The following KCNIP4 variants were observed in gnomAD, a reference collection of about 807,000 sequenced individuals.
KCNIP4 encodes Kv channel-interacting protein 4.
Under a neutral mutation model 34.0 loss-of-function variants are expected in KCNIP4, and 12 were observed. The ratio of observed to expected loss-of-function variants is 0.35; its 90% CI spans 0.23 to 0.57. The LOEUF (loss-of-function observed/expected upper bound fraction) is 0.57, where lower values mean the gene tolerates loss of function less well. KCNIP4 is among the 20% of genes least tolerant of loss of function. The pLI is 0.83. For missense variants in KCNIP4, 238 were observed against 311.7 expected (o/e 0.76, Z 1.78); for synonymous variants, 124 against 102.2 (o/e 1.21, Z -1.29).
chr4:21,457,711 G>C (rs1043676140), intron 1 of KCNIP4, among the ~76,000 whole-genome samples: 10 of 152,084 alleles, frequency 6.6e-5, no homozygotes, highest in African/African-American at 2.4e-4. Context: ...GGTATGCAGA[G>C]CTGGCGTATG....
chr4:21,269,130 T>A (rs74354137), intron 1 of KCNIP4, among the ~76,000 whole-genome samples: 1 of 152,280 alleles, frequency 6.6e-6, no homozygotes, highest in Non-Finnish European at 1.5e-5. Flanking sequence ...AATTTGGCTA[T>A]AGTGAGAAAG....
intron 1 of KCNIP4, among the ~76,000 whole-genome samples, chr4:21,016,053 A>G (rs1386004973): frequency 6.7e-6 from 1 of 148,688 alleles, no homozygotes; most frequent in African/African-American, 2.5e-5. Flanking sequence ...AACAAATTGA[A>G]ATTACATGCC....
intron 1 of KCNIP4, among the ~76,000 whole-genome samples, chr4:21,176,365 T>G (rs879221234): frequency 6.6e-6 from 1 of 152,120 alleles, no homozygotes. Context: ...GAGGCCTGAC[T>G]GGGGGCTCCA....
chr4:20,903,702 A>T (rs188647686), intron 1 of KCNIP4, among the ~76,000 whole-genome samples: 1 of 152,232 alleles, frequency 6.6e-6, no homozygotes, highest in Non-Finnish European at 1.5e-5. Flanking sequence ...CTGCGCCCCA[A>T]TCACCTTGGG....
chr4:20,858,144 G>C (rs1386135261), intron 2 of KCNIP4, among the ~76,000 whole-genome samples: 1 of 145,732 alleles, frequency 6.9e-6, no homozygotes, highest in African/African-American at 2.5e-5. Context: ...CCAGGAGGCA[G>C]AGGTTGCAGT....
intron 1 of KCNIP4, among the ~76,000 whole-genome samples, chr4:21,566,546 G>A (rs948877200): frequency 6.6e-5 from 10 of 152,226 alleles, no homozygotes; most frequent in Admixed American, 2.6e-4. Flanking sequence ...ATGATTGTAA[G>A]TTTCCTGAGT....
Position 21,810,426 on chromosome 4 carries a change from C to A in KCNIP4, c.61+138145G>T, listed in dbSNP as rs192239291. Reference sequence around the variant, plus strand: ...GAGAATTTGGCTGGGCGCGGTGGCTCAAGCCTGTAATCCCAGCACATTGGG... The same window carrying A: ...GAGAATTTGGCTGGGCGCGGTGGCTAAAGCCTGTAATCCCAGCACATTGGG... On this transcript the variant is annotated intron_variant, in intron 1 of 8. Transcript: ENST00000382152. Among the ~76,000 whole-genome samples, 185 of 152,154 alleles carry A rather than the reference C, an allele frequency of 1.2e-3. 3 individuals carry two copies. In the East Asian group the frequency reaches 0.033, roughly 27 times the overall value.
intron 1 of KCNIP4, among the ~76,000 whole-genome samples, chr4:21,704,850 A>G (rs1713142435): frequency 6.6e-6 from 1 of 152,062 alleles, no homozygotes. Context: ...AAAACCTAGC[A>G]ATTGTACTCC....
intron 1 of KCNIP4, among the ~76,000 whole-genome samples, chr4:21,220,088 C>T (rs1040755496): frequency 6.6e-6 from 1 of 152,086 alleles, no homozygotes; most frequent in Non-Finnish European, 1.5e-5. Context: ...GTTGCTTTTT[C>T]ACTTATTCTG....
chr4:21,141,890 G>A (rs1219044198), intron 1 of KCNIP4, among the ~76,000 whole-genome samples: 1 of 151,556 alleles, frequency 6.6e-6, no homozygotes, highest in Non-Finnish European at 1.5e-5. Context: ...CCTGGCTCAA[G>A]TCTGTAATCC....
chr4:21,460,476 C>A (rs1012564443), intron 1 of KCNIP4, among the ~76,000 whole-genome samples: 1 of 152,132 alleles, frequency 6.6e-6, no homozygotes, highest in Admixed American at 6.5e-5. Context: ...GAATTTATTT[C>A]TCATAGTTCT....
At chr4:21,267,746 T>A (rs1284736190) in intron 1 of KCNIP4, among the ~76,000 whole-genome samples, 3 of 146,264 alleles carry the variant, frequency 2.1e-5, no homozygotes, top group African/African-American at 7.5e-5. Context: ...CTGGATTCGG[T>A]TTGCCAGTAT....
intron 1 of KCNIP4, among the ~76,000 whole-genome samples, chr4:20,884,553 T>A (rs1247874570): frequency 1.3e-5 from 2 of 151,900 alleles, no homozygotes; most frequent in Non-Finnish European, 2.9e-5. Context: ...CTTTGCAAAC[T>A]CCTCCAGGAC....
At chr4:20,933,578 C>CT (rs1412650528) in intron 1 of KCNIP4, among the ~76,000 whole-genome samples, 1 of 152,028 alleles carries the variant, frequency 6.6e-6, no homozygotes, top group Non-Finnish European at 1.5e-5. Flanking sequence ...TCCACAATTT[C>CT]TTATATTTTA....
chr4:21,708,294 C>T (rs1011218986), intron 1 of KCNIP4, among the ~76,000 whole-genome samples: 1 of 152,008 alleles, frequency 6.6e-6, no homozygotes, highest in Non-Finnish European at 1.5e-5. Context: ...TACACTCTTA[C>T]CCATTTTTTC....
At chr4:21,430,961 A>C (rs1167057955) in intron 1 of KCNIP4, among the ~76,000 whole-genome samples, 1 of 152,174 alleles carries the variant, frequency 6.6e-6, no homozygotes, top group Non-Finnish European at 1.5e-5. Flanking sequence ...TTTTATTTAC[A>C]GAAAAACTTC....
chr4:20,752,621 TA>T (rs1456214718), intron 4 of KCNIP4: 2 of 152,188 alleles, frequency 1.3e-5, no homozygotes, highest in African/African-American at 4.8e-5. Context: ...TTCTGCTCAA[TA>T]AAAGACAAGA....
intron 1 of KCNIP4, among the ~76,000 whole-genome samples, chr4:21,178,297 A>T (rs1754578401): frequency 6.6e-6 from 1 of 152,208 alleles, no homozygotes; most frequent in African/African-American, 2.4e-5. Context: ...AAGTTCTTTC[A>T]TCTATTTCTC....
At chr4:20,829,883 A>C (rs1718213116) in intron 3 of KCNIP4, among the ~76,000 whole-genome samples, 2 of 151,966 alleles carry the variant, frequency 1.3e-5, no homozygotes, top group Admixed American at 1.3e-4. Context: ...ATCAGTATTT[A>C]TTTCCCAGCC....
Sources: allele counts gnomAD v4.1 joint callset (sites outside exome capture counted in the v4.1 genomes callset), GRCh38; gene constraint gnomAD v4.1.1; transcripts MANE v1.5; gene names NCBI Gene and HGNC (gene_info 2026-07-23, HGNC 2026-07-21).